The following PAAF1 variants were observed in gnomAD, a reference collection of about 807,000 sequenced individuals.
The protein encoded by PAAF1 is proteasomal ATPase associated factor 1.
A neutral mutation model predicts 52.8 loss-of-function variants in PAAF1; 46 were observed. That is an observed-to-expected ratio of 0.87 (90% CI 0.69 to 1.11). The LOEUF (loss-of-function observed/expected upper bound fraction) is 1.11, where lower values mean the gene tolerates loss of function less well. Among genes scored for constraint, PAAF1 ranks in the 50% most tolerant of loss-of-function variants. The pLI, the probability that PAAF1 is intolerant of heterozygous loss-of-function variation, is 0.00. For synonymous variants in PAAF1, 178 were observed against 172.8 expected, an observed-to-expected ratio of 1.03 and a Z score of -0.24; for missense variants, 424 against 477.4, an observed-to-expected ratio of 0.89 and a Z score of 1.04.
chr11:73,887,011 C>T (rs1949080328), intron 2 of PAAF1: 3 of 451,986 alleles, frequency 6.6e-6, no homozygotes, highest in Non-Finnish European at 1.3e-5. Flanking sequence ...CACTGGCTCC[C>T]CTTCTCCTTC....
intron 4 of PAAF1, among the ~76,000 whole-genome samples, chr11:73,892,373 T>C (rs1015865246): frequency 1.3e-5 from 2 of 151,510 alleles, no homozygotes; most frequent in African/African-American, 4.8e-5. Context: ...TTTTTCACCC[T>C]TATTACAAAA....
At chr11:73,912,031 CT>C (rs373139313) in intron 7 of PAAF1, among the ~76,000 whole-genome samples, 1,583 of 150,016 alleles carry the variant, frequency 0.011, 31 homozygotes, top group African/African-American at 0.035. Context: ...CCTCAAAAAA[CT>C]TTTTTTTTTC....
At chr11:73,906,408 A>T (rs184771062) in intron 6 of PAAF1, among the ~76,000 whole-genome samples, 1 of 152,078 alleles carries the variant, frequency 6.6e-6, no homozygotes, top group East Asian at 1.9e-4. Context: ...ACCTGCCACC[A>T]CACCTGGCTA....
rs138744890 is a variant in PAAF1 at position 73,884,442 on chromosome 11, C to G, written c.89-2912C>G. On this transcript the variant is annotated intron_variant, in intron 2 of 11. Coordinates refer to ENST00000310571, the MANE Select transcript of PAAF1 (RefSeq NM_025155.3). ...TCTGGGAGATAGAGGCTGCAGTGAA[C>G]CATGATCATACCACTGCACTCCAGC... Among the ~76,000 whole-genome samples the G allele has an allele frequency of 3.1e-3, 470 of 152,246 alleles. 3 individuals carry two copies. The highest frequency in any genetic ancestry group is 0.011 in the African/African-American group (438 of 41,536).
intron 6 of PAAF1, among the ~76,000 whole-genome samples, chr11:73,900,850 C>T (rs1383122561): frequency 2.7e-5 from 4 of 150,834 alleles, no homozygotes; most frequent in African/African-American, 9.7e-5. Context: ...GGCGTAGTGG[C>T]GGGCGCCTGT....
At chr11:73,906,435 A>G (rs1057038086) in intron 6 of PAAF1, among the ~76,000 whole-genome samples, 1 of 152,072 alleles carries the variant, frequency 6.6e-6, no homozygotes, top group Admixed American at 6.6e-5. Context: ...GTATTTTAGT[A>G]GAGACGGGTT....
At position 73,891,144 on chromosome 11, in the gene PAAF1, T is replaced by C; in HGVS notation, c.225T>C (p.Asn75=). The C allele has an allele frequency of 1.9e-6, 3 of 1,601,830 alleles. No individual in the cohort carries two copies. The highest frequency in any genetic ancestry group is 2.6e-6 in the Non-Finnish European group (3 of 1,169,940). ...TTCATATTTCATGTCCAAAGGAAAATGCATCTTCTAAGTTTTTGGCACCAT... is the reference window on the plus strand; with the variant it reads ...TTCATATTTCATGTCCAAAGGAAAACGCATCTTCTAAGTTTTTGGCACCAT... ...KSIHISCPKE[N]ASSKFLAPYT... The change falls in exon 4 of 12, where the codon AAT becomes AAC. Residue 75 remains asparagine (N), a synonymous_variant. Coordinates refer to ENST00000310571, the MANE Select transcript of PAAF1 (RefSeq NM_025155.3).
chr11:73,897,966 T>G (rs3018335), intron 4 of PAAF1, among the ~76,000 whole-genome samples: 2 of 151,958 alleles, frequency 1.3e-5, no homozygotes, highest in South Asian at 4.2e-4. Flanking sequence ...GGATCACTCA[T>G]GGTTAGGAGC....
rs1270211239 is a variant in PAAF1 at position 73,928,141 on chromosome 11, A to G, written c.*779A>G. The G allele has an allele frequency of 6.6e-6, 1 of 152,246 alleles. No homozygotes were observed. The highest frequency in any genetic ancestry group is 2.4e-5 in the African/African-American group (1 of 41,448). 9.4% of individuals were successfully genotyped at this position (152,246 alleles called of 1,614,324 possible). The stretch of plus-strand genomic sequence containing the variant: ...TTGTTAGGCCCAATCCTAGACCTAA[A>G]TCAGAAATTCTACGGGTGCAGCCAG... On this transcript the variant is annotated 3_prime_UTR_variant, in exon 12 of 12. Transcript: ENST00000310571.
rs1949283730 is a variant in PAAF1, at chr11:73,894,209, A to T, written c.282+3008A>T. Among the ~76,000 whole-genome samples the T allele has an allele frequency of 3.9e-5, 6 of 152,308 alleles. No individual in the cohort carries two copies. In the South Asian group the frequency reaches 1.2e-3, roughly 32 times the overall value. On this transcript the variant is annotated intron_variant, in intron 4 of 11. Coordinates refer to ENST00000310571, the MANE Select transcript of PAAF1 (RefSeq NM_025155.3). ...CACCTTTTGAGAAGTAAGTCATTTTAAAAATCATTTACAGGCTAGGCACAG... is the reference window on the plus strand; with the variant it reads ...CACCTTTTGAGAAGTAAGTCATTTTTAAAATCATTTACAGGCTAGGCACAG...
chr11:73,902,624 A>G (rs1309052536), intron 6 of PAAF1, among the ~76,000 whole-genome samples: 2 of 151,486 alleles, frequency 1.3e-5, no homozygotes, highest in Non-Finnish European at 2.9e-5. Flanking sequence ...AAGTCTCCCA[A>G]CATTCCTTAA....
At position 73,877,069 on chromosome 11, in the gene PAAF1, G is replaced by T. The variant is rs539591671; in HGVS notation, c.47+1G>T. ...AGAGCGACTGGGCGCAAGCCCTCAG[G>T]TGAATCCAGGCCCAGAACAGAGTCA... On this transcript the variant is annotated splice_donor_variant, in intron 1 of 11. Transcript: ENST00000310571. LOFTEE classifies it high-confidence loss of function. The T allele has an allele frequency of 2.0e-6, 3 of 1,537,352 alleles. No individual in the cohort carries two copies. The African/African-American group carries it at 4.1e-5, about 21-fold the overall frequency.
rs1950389611 is a variant in PAAF1, at chr11:73,927,309, T to C, written c.1126T>C (p.Tyr376His). 8 of 1,614,150 alleles carry C rather than the reference T, an allele frequency of 5.0e-6. No individual in the cohort carries two copies. The East Asian group carries it at 1.8e-4, about 36-fold the overall frequency. The change falls in exon 12 of 12, where the codon TAC (tyrosine) becomes CAC (histidine). Residue 376 changes from tyrosine (Y) to histidine (H), a missense_variant. Physicochemically the swap from Tyr to His is moderately conservative, Grantham distance 83 (BLOSUM62 2). Coordinates refer to ENST00000310571, the MANE Select transcript of PAAF1 (RefSeq NM_025155.3). ...YKVATWEKQI[Y>H]TCCRDGLVRR... ...GGTAGCCACATGGGAGAAGCAGATC[T>C]ACACATGCTGTCGAGACGGTCTTGT...
At chr11:73,916,763 AG>A in intron 9 of PAAF1, 103 bp downstream of exon 9, 1 of 670,384 alleles carries the variant, frequency 1.5e-6, no homozygotes, top group Non-Finnish European at 2.4e-6. Context: ...TATTGAATCA[AG>A]GGTATATTTT....
intron 11 of PAAF1, among the ~76,000 whole-genome samples, chr11:73,926,465 T>C (rs540569272): frequency 8.7e-4 from 132 of 152,048 alleles, no homozygotes; most frequent in African/African-American, 3.0e-3. Context: ...GCCCAGCACT[T>C]TGGGAGGCGG....
intron 4 of PAAF1, among the ~76,000 whole-genome samples, chr11:73,897,930 C>T (rs867977142): frequency 1.8e-4 from 28 of 152,264 alleles, no homozygotes; most frequent in Non-Finnish European, 3.5e-4. Flanking sequence ...TCTGCAATCC[C>T]GGCACCTCGG....
At chr11:73,905,299 G>A (rs1949726317) in intron 6 of PAAF1, among the ~76,000 whole-genome samples, 1 of 151,718 alleles carries the variant, frequency 6.6e-6, no homozygotes, top group African/African-American at 2.4e-5. Context: ...TCTCAGCTCA[G>A]TGCAACCTCC....
At chr11:73,919,986 C>T (rs1218180773) in intron 10 of PAAF1, among the ~76,000 whole-genome samples, 1 of 151,652 alleles carries the variant, frequency 6.6e-6, no homozygotes. Flanking sequence ...AACTTGACAA[C>T]TAAGTCAGTG....
chr11:73,888,340 A>T (rs1287504578), intron 3 of PAAF1, among the ~76,000 whole-genome samples: 3 of 152,232 alleles, frequency 2.0e-5, no homozygotes, highest in Non-Finnish European at 4.4e-5. Context: ...ACACTGAACA[A>T]TGTAGCCTTA....
Sources: gnomAD v4.1 joint callset for allele counts (sites outside exome capture counted in the v4.1 genomes callset) on GRCh38, gnomAD v4.1.1 for gene constraint, MANE v1.5 for transcripts, NCBI Gene and HGNC (gene_info 2026-07-23, HGNC 2026-07-21) for gene names.